The following MECOM variants were observed in gnomAD, a reference collection of about 807,000 sequenced individuals.
MECOM encodes the protein histone-lysine N-methyltransferase MECOM.
In MECOM, 13 loss-of-function variants were observed where a neutral mutation model predicts 116.3. The ratio of observed to expected loss-of-function variants is 0.11; its 90% CI spans 0.07 to 0.18. The LOEUF (loss-of-function observed/expected upper bound fraction) is 0.18, where lower values mean the gene tolerates loss of function less well. Among genes scored for constraint, MECOM ranks in the 10% least tolerant of loss-of-function variants. The pLI, the probability that MECOM is intolerant of heterozygous loss-of-function variation, is 1.00. For missense variants in MECOM, 1,299 were observed against 1,509.0 expected (o/e 0.86, Z 2.31); for synonymous variants, 528 against 535.2 (o/e 0.99, Z 0.19).
In MECOM at chr3:169,095,264, G is replaced by T. The variant is rs1721095669; in HGVS notation, c.2850-19C>A. ...TTTGCATCTGAAAAATAAACAAAGA[G>T]AAAATATTAGCAAGCACATTAAAAG... On this transcript the variant is annotated intron_variant, in intron 12 of 16. Transcript: ENST00000651503. The T allele has an allele frequency of 6.3e-7, 1 of 1,595,138 alleles. No individual in the cohort carries two copies. Among genetic ancestry groups the T allele is most frequent in the South Asian group, 1.1e-5 (1 of 87,152 alleles).
intron 2 of MECOM, among the ~76,000 whole-genome samples, chr3:169,197,128 A>G (rs1257178385): frequency 6.6e-6 from 1 of 151,912 alleles, no homozygotes; most frequent in Non-Finnish European, 1.5e-5. Context: ...ACTCATTGAC[A>G]CAAAGAAGCG....
chr3:169,576,243 T>C (rs1294628834), intron 1 of MECOM, among the ~76,000 whole-genome samples: 1 of 152,194 alleles, frequency 6.6e-6, no homozygotes, highest in Non-Finnish European at 1.5e-5. Context: ...ACATCTCATA[T>C]GCACATATAT....
At chr3:169,503,364 C>A (rs1393993033) in intron 1 of MECOM, among the ~76,000 whole-genome samples, 2 of 152,002 alleles carry the variant, frequency 1.3e-5, no homozygotes, top group Admixed American at 1.3e-4. Flanking sequence ...AAATCATAAT[C>A]AATAGAAAAA....
chr3:169,649,624 A>T lies in MECOM; in HGVS notation c.37+13712T>A, dbSNP rs560058690. 1.3e-4 allele frequency among the ~76,000 whole-genome samples: 20 copies of T among 152,252 alleles called. 1 individual carries two copies. The South Asian group carries it at 3.9e-3, about 30-fold the overall frequency. Reference sequence around the variant, plus strand: ...TATAGGATTTAATTCATCATGCCTTACATATGCTAGGTACTTGATAACTAT... The same window carrying T: ...TATAGGATTTAATTCATCATGCCTTTCATATGCTAGGTACTTGATAACTAT... On this transcript the variant is annotated intron_variant, in intron 1 of 16. Transcript: ENST00000651503.
chr3:169,663,189 C>T, intron 1 of MECOM, 147 bp downstream of exon 1: 2 of 865,646 alleles, frequency 2.3e-6, no homozygotes, highest in Non-Finnish European at 3.6e-6. Flanking sequence ...CTGGAACCGG[C>T]AGGTTGCTGG....
intron 2 of MECOM, among the ~76,000 whole-genome samples, chr3:169,379,851 C>T (rs140568034): frequency 8.5e-5 from 13 of 152,126 alleles, no homozygotes; most frequent in Admixed American, 1.3e-4. Context: ...TGGTTTAAAA[C>T]GTATTCAACT....
At chr3:169,454,506 G>A (rs940846523) in intron 1 of MECOM, among the ~76,000 whole-genome samples, 1 of 151,850 alleles carries the variant, frequency 6.6e-6, no homozygotes, top group Non-Finnish European at 1.5e-5. Flanking sequence ...AAAATGTGAG[G>A]TTTGCTTTGT....
chr3:169,093,181 T>G, intron 13 of MECOM, 79 bp from the exon 14 acceptor site: 1 of 1,429,180 alleles, frequency 7.0e-7, no homozygotes, highest in East Asian at 2.3e-5. Context: ...TCCTTATGAA[T>G]TTGATCAGTG....
At chr3:169,634,886 C>A (rs557914269) in intron 1 of MECOM, among the ~76,000 whole-genome samples, 1 of 152,164 alleles carries the variant, frequency 6.6e-6, no homozygotes, top group African/African-American at 2.4e-5. Context: ...AAAGTAAACA[C>A]GGCTTCTTAA....
intron 2 of MECOM, among the ~76,000 whole-genome samples, chr3:169,283,601 A>G (rs1248848483): frequency 3.3e-5 from 5 of 152,186 alleles, no homozygotes; most frequent in African/African-American, 7.2e-5. Context: ...TCATCTCCAG[A>G]ATTTCTGGGT....
chr3:169,447,872 G>T (rs1252426503), intron 1 of MECOM: 1 of 152,286 alleles, frequency 6.6e-6, no homozygotes, highest in African/African-American at 2.4e-5. Context: ...TGAAAGATTG[G>T]TGAGTAACTC....
chr3:169,525,565 T>A (rs961397979), intron 1 of MECOM, among the ~76,000 whole-genome samples: 2 of 152,186 alleles, frequency 1.3e-5, no homozygotes, highest in African/African-American at 4.8e-5. Context: ...AGGGTTGACA[T>A]GTTTTGTTTG....
Position 169,663,593 on chromosome 3 carries a change from T to G in MECOM, c.-221A>C. ...CACACACTCACTCTCTGTATTTTCT[T>G]CTTTCACTCTCTCTCCCTCCCTCTC... On this transcript the variant is annotated 5_prime_UTR_variant, in exon 1 of 17. Transcript: ENST00000651503. The G allele has an allele frequency of 1.7e-6, 1 of 586,128 alleles. No individual in the cohort carries two copies. The highest frequency in any genetic ancestry group is 3.0e-6 in the Non-Finnish European group (1 of 329,182). 36.3% of individuals were successfully genotyped at this position (586,128 alleles called of 1,614,324 possible).
At chr3:169,474,889 A>C (rs1183366991) in intron 1 of MECOM, among the ~76,000 whole-genome samples, 1 of 152,304 alleles carries the variant, frequency 6.6e-6, no homozygotes, top group South Asian at 2.1e-4. Flanking sequence ...CTACCTCATA[A>C]AATCTGTAGG....
rs182200097 is a variant in MECOM at position 169,149,526 on chromosome 3, G to C, written c.376-5694C>G. The C allele has an allele frequency of 1.4e-4, 35 of 253,904 alleles. No homozygotes were observed. In the Admixed American group the frequency reaches 1.7e-3, roughly 12 times the overall value. 15.7% of individuals were successfully genotyped at this position (253,904 alleles called of 1,614,324 possible). ...CTCCGAAATAAAGCGCAGCGCCGGCGGCTCCAGCCACCCAGGTGAACCCGC... is the reference window on the plus strand; with the variant it reads ...CTCCGAAATAAAGCGCAGCGCCGGCCGCTCCAGCCACCCAGGTGAACCCGC... On this transcript the variant is annotated intron_variant, in intron 2 of 16. Transcript: ENST00000651503.
chr3:169,529,926 T>C (rs1314868424), intron 1 of MECOM, among the ~76,000 whole-genome samples: 3 of 152,194 alleles, frequency 2.0e-5, no homozygotes, highest in Non-Finnish European at 4.4e-5. Context: ...TAGGACACAG[T>C]CTCTGCTCTC....
intron 2 of MECOM, among the ~76,000 whole-genome samples, chr3:169,221,474 G>A (rs1752122659): frequency 1.3e-5 from 2 of 151,708 alleles, no homozygotes; most frequent in African/African-American, 4.8e-5. Flanking sequence ...GTGAAAGAGT[G>A]TGAATTGTGT....
intron 2 of MECOM, among the ~76,000 whole-genome samples, chr3:169,378,567 AAAGAAAGAAAGAAAGAAAGTAAGTAAGT>A (rs1731817625): frequency 2.9e-5 from 4 of 136,958 alleles, no homozygotes; most frequent in African/African-American, 1.2e-4. Context: ...AGAAAGAAAG[AAAGAAAGAAAGAAAGAAAGTAAGTAAGT>A]AAGTTTGGGG....
At position 169,102,243 on chromosome 3, in the gene MECOM, C is replaced by T. The variant is rs777514613; in HGVS notation, c.2605-17G>A. On this transcript the variant is annotated splice_polypyrimidine_tract_variant and intron_variant, in intron 10 of 16. Coordinates refer to ENST00000651503, the MANE Select transcript of MECOM (RefSeq NM_004991.4). ...AGCTGACATCTGAAAGGTAAAAGCA[C>T]AAGACCATGAAGCGTTTGGCATCTT... 8.1e-6 allele frequency: 13 copies of T among 1,605,834 alleles called. No homozygotes were observed. The highest frequency in any genetic ancestry group is 2.2e-5 in the East Asian group (1 of 44,724).
Sources: allele counts gnomAD v4.1 joint callset (sites outside exome capture counted in the v4.1 genomes callset), GRCh38; gene constraint gnomAD v4.1.1; transcripts MANE v1.5; gene names NCBI Gene and HGNC (gene_info 2026-07-23, HGNC 2026-07-21).